The following TYRP1 variants were observed in gnomAD, a reference collection of about 807,000 sequenced individuals.
The protein encoded by TYRP1 is 5,6-dihydroxyindole-2-carboxylic acid oxidase.
A neutral mutation model predicts 42.8 loss-of-function variants in TYRP1; 49 were observed. That is an observed-to-expected ratio of 1.14 (90% CI 0.91 to 1.45). TYRP1 has a LOEUF of 1.45. Among genes scored for constraint, TYRP1 ranks in the 40% most tolerant of loss-of-function variants. The pLI is 0.00. For missense variants in TYRP1, 848 were observed against 662.0 expected (o/e 1.28, Z -3.08); for synonymous variants, 279 against 235.4 (o/e 1.19, Z -1.69).
chr9:12,698,655 A>T lies in TYRP1; in HGVS notation c.913A>T (p.Ser305Cys). 6.2e-7 allele frequency: 1 copy of T among 1,612,948 alleles called. No homozygotes were observed. The highest frequency in any genetic ancestry group is 8.5e-7 in the Non-Finnish European group (1 of 1,179,132). ...DYDTLGTLCN[S>C]TEDGPIRRNP... Reference sequence around the variant, plus strand: ...TGATACCCTGGGAACACTTTGTAACAGTAAGTTCCAAATGATAGCTTGGAG... The same window carrying T: ...TGATACCCTGGGAACACTTTGTAACTGTAAGTTCCAAATGATAGCTTGGAG... The change falls in exon 4 of 8, where the codon AGC (serine) becomes TGC (cysteine). Residue 305 changes from serine to cysteine, a missense_variant and splice_region_variant. Physicochemically the swap from Ser to Cys is moderately radical, Grantham distance 112. Transcript: ENST00000388918.
chr9:12,702,081 G>T (rs923486663), intron 4 of TYRP1, among the ~76,000 whole-genome samples, 190 bp from the exon 5 acceptor site: 3 of 151,652 alleles, frequency 2.0e-5, no homozygotes, highest in Admixed American at 2.0e-4. Flanking sequence ...ATATCTACTT[G>T]ATTCAAAGAA....
At chr9:12,695,466 C>A in intron 2 of TYRP1, 49 bp from the exon 3 acceptor site, 2 of 1,558,076 alleles carry the variant, frequency 1.3e-6, no homozygotes, top group Non-Finnish European at 1.8e-6. Flanking sequence ...TTTCTCTACC[C>A]ATCCCCGCAA....
Position 12,694,119 on chromosome 9 carries a change from T to C in TYRP1, c.123T>C (p.Cys41=), listed in dbSNP as rs1818037706. 1 of 1,614,114 alleles carries C rather than the reference T, an allele frequency of 6.2e-7. No individual in the cohort carries two copies. The highest frequency in any genetic ancestry group is 2.2e-5 in the East Asian group (1 of 44,832). ...ATVEALRSGM[C]CPDLSPVSGP... is the part of the protein sequence containing the mutation. Reference sequence around the variant, plus strand: ...TTGAGGCTTTGAGAAGTGGTATGTGTTGCCCAGACCTGTCCCCTGTGTCTG... The same window carrying C: ...TTGAGGCTTTGAGAAGTGGTATGTGCTGCCCAGACCTGTCCCCTGTGTCTG... The change falls in exon 2 of 8, where the codon TGT becomes TGC. Residue 41 remains cysteine (C), a synonymous_variant. Coordinates refer to ENST00000388918, the MANE Select transcript of TYRP1 (RefSeq NM_000550.3).
intron 7 of TYRP1, 52 bp from the exon 8 acceptor site, chr9:12,708,925 T>C (rs1346345238): frequency 2.7e-6 from 4 of 1,486,328 alleles, no homozygotes; most frequent in Admixed American, 1.8e-5. Context: ...CACTTTTTGG[T>C]GATAACTATT....
chr9:12,709,269 C>CTT lies in TYRP1; in HGVS notation c.*89_*90dup, dbSNP rs1203585115. The CTT allele has an allele frequency of 4.3e-5, 55 of 1,283,950 alleles. No homozygotes were observed. The East Asian group carries it at 5.2e-4, about 12-fold the overall frequency. The allele number at this position is 1,283,950 out of a possible 1,614,324, so 79.5% of individuals were successfully genotyped here. On this transcript the variant is annotated 3_prime_UTR_variant, in exon 8 of 8. Transcript: ENST00000388918. ...GAGTTATTAACTGTATTTTCTTTCA[C>CTT]TTTATTACCTTCTTTCTAATACAAG...
chr9:12,698,413 C>T, intron 3 of TYRP1, 38 bp from the exon 4 acceptor site: 4 of 1,571,308 alleles, frequency 2.5e-6, no homozygotes, highest in South Asian at 1.1e-5. Context: ...TAATTGTAAA[C>T]AGAAGCAGAG....
chr9:12,694,470 C>A, intron 2 of TYRP1, 89 bp downstream of exon 2: 1 of 1,486,646 alleles, frequency 6.7e-7, no homozygotes, highest in Non-Finnish European at 9.2e-7. Flanking sequence ...GGAGGAATAC[C>A]TGGAAATCAT....
chr9:12,704,777 A>T (rs2118259877), intron 6 of TYRP1, 72 bp downstream of exon 6: 1 of 1,456,784 alleles, frequency 6.9e-7, no homozygotes, highest in African/African-American at 1.4e-5. Flanking sequence ...TATCAGTTCA[A>T]GCTGAGCACT....
At chr9:12,704,791 C>A in intron 6 of TYRP1, 86 bp downstream of exon 6, 1 of 1,306,944 alleles carries the variant, frequency 7.7e-7, no homozygotes. Flanking sequence ...GAGCACTCAG[C>A]GCATAAAAAC....
In TYRP1 at chr9:12,708,072, C is replaced by T. The variant is rs908948125; in HGVS notation, c.1337C>T (p.Pro446Leu). 1 of 1,612,776 alleles carries T rather than the reference C, an allele frequency of 6.2e-7. No individual in the cohort carries two copies. Among genetic ancestry groups the T allele is most frequent in the Admixed American group, 1.7e-5 (1 of 59,782 alleles). The change falls in exon 7 of 8, where the codon CCA (proline) becomes CTA (leucine). Residue 446 changes from proline to leucine, a missense_variant. Transcript: ENST00000388918. Reference protein sequence around the residue: ...RQYNMVPFWPPVTNTEMFVTA... With the variant: ...RQYNMVPFWPLVTNTEMFVTA... Reference sequence around the variant, plus strand: ...TACAACATGGTGCCATTCTGGCCCCCAGTCACCAACACAGAAATGTTTGTT... The same window carrying T: ...TACAACATGGTGCCATTCTGGCCCCTAGTCACCAACACAGAAATGTTTGTT...
chr9:12,699,890 G>A (rs748509591), intron 4 of TYRP1, among the ~76,000 whole-genome samples: 2 of 151,946 alleles, frequency 1.3e-5, no homozygotes, highest in Non-Finnish European at 2.9e-5. Flanking sequence ...ATGAGTGAAT[G>A]CAATCATAGC....
chr9:12,703,326 C>A (rs150582558), intron 5 of TYRP1, among the ~76,000 whole-genome samples: 14 of 151,842 alleles, frequency 9.2e-5, no homozygotes, highest in Non-Finnish European at 1.9e-4. Flanking sequence ...ATTTTTAATT[C>A]TCTCACCTTT....
At chr9:12,702,233 A>G (rs1818180622) in intron 4 of TYRP1, 38 bp from the exon 5 acceptor site, 3 of 1,607,230 alleles carry the variant, frequency 1.9e-6, no homozygotes, top group South Asian at 1.1e-5. Flanking sequence ...AACTCCAAAC[A>G]TTGTGTAAAT....
Position 12,709,128 on chromosome 9 carries a change from A to C in TYRP1, c.1560A>C (p.Gln520His), listed in dbSNP as rs773136421. Residue 520 changes from glutamine (Q) to histidine (H), a missense_variant, in exon 8 of 8, where the codon CAA (glutamine) becomes CAC (histidine). Transcript: ENST00000388918. Reference sequence around the variant, plus strand: ...AGCCTCTCCTCACTGATCAGTATCAATGCTATGCTGAAGAATATGAAAAAC... The same window carrying C: ...AGCCTCTCCTCACTGATCAGTATCACTGCTATGCTGAAGAATATGAAAAAC... The part of the protein sequence containing the change: ...ANQPLLTDQY[Q>H]CYAEEYEKLQ... 1.9e-6 allele frequency: 3 copies of C among 1,612,690 alleles called. No homozygotes were observed. Among genetic ancestry groups the C allele is most frequent in the Non-Finnish European group, 2.5e-6 (3 of 1,179,112 alleles).
At chr9:12,705,308 A>G (rs1818240377) in intron 6 of TYRP1, among the ~76,000 whole-genome samples, 1 of 152,078 alleles carries the variant, frequency 6.6e-6, no homozygotes, top group African/African-American at 2.4e-5. Flanking sequence ...TTTTCAAACA[A>G]TAAAAGTGCT....
At chr9:12,704,761 C>T in intron 6 of TYRP1, 56 bp downstream of exon 6, 1 of 1,539,330 alleles carries the variant, frequency 6.5e-7, no homozygotes, top group Non-Finnish European at 9.0e-7. Flanking sequence ...GTTTAGATGG[C>T]ATAGTTATCA....
Position 12,705,039 on chromosome 9 carries a change from A to G in TYRP1, c.1261+334A>G, listed in dbSNP as rs534830644. ...ACATAAATTCTCATTACTTTTAAAT[A>G]TAAATGAGGAAAACCTTATAGAGCT... On this transcript the variant is annotated intron_variant, in intron 6 of 7. Coordinates refer to ENST00000388918, the MANE Select transcript of TYRP1 (RefSeq NM_000550.3). Among the ~76,000 whole-genome samples the G allele has an allele frequency of 2.0e-5, 3 of 152,174 alleles. No homozygotes were observed. In the East Asian group the frequency reaches 5.8e-4, roughly 30 times the overall value.
chr9:12,698,619 T>C lies in TYRP1; in HGVS notation c.877T>C (p.Leu293=). The C allele has an allele frequency of 6.2e-7, 1 of 1,613,762 alleles. No homozygotes were observed. The highest frequency in any genetic ancestry group is 8.5e-7 in the Non-Finnish European group (1 of 1,179,764). ...FSQWRVVCDS[L]EDYDTLGTLC... ...TCAATGGCGAGTGGTCTGTGACTCC[T>C]TGGAAGATTATGATACCCTGGGAAC... Residue 293 remains leucine, a synonymous_variant, in exon 4 of 8, where the codon TTG becomes CTG. Transcript: ENST00000388918.
In TYRP1 at chr9:12,704,623, G is replaced by A. The variant is rs760181346; in HGVS notation, c.1179G>A (p.Leu393=). 2 of 1,613,114 alleles carry A rather than the reference G, an allele frequency of 1.2e-6. No individual in the cohort carries two copies. The highest frequency in any genetic ancestry group is 1.1e-5 in the South Asian group (1 of 91,076). ...FLNGTGGQTH[L]SPNDPIFVLL... is the part of the protein sequence containing the mutation. ...ATGGAACAGGGGGACAAACCCATTT[G>A]TCTCCAAATGATCCTATTTTTGTCC... The change falls in exon 6 of 8, where the codon TTG becomes TTA. Residue 393 remains leucine, a synonymous_variant. Coordinates refer to ENST00000388918, the MANE Select transcript of TYRP1 (RefSeq NM_000550.3).
Sources: gnomAD v4.1 joint callset for allele counts (sites outside exome capture counted in the v4.1 genomes callset) on GRCh38, gnomAD v4.1.1 for gene constraint, MANE v1.5 for transcripts, NCBI Gene and HGNC (gene_info 2026-07-23, HGNC 2026-07-21) for gene names.